CSMD3: variants seen among roughly 807,000 people sequenced by gnomAD.
CSMD3 encodes CUB and sushi domain-containing protein 3.
CSMD3 carries 177 observed loss-of-function variants against 435.2 expected under a neutral mutation model. The ratio of observed to expected loss-of-function variants is 0.41; its 90% CI spans 0.36 to 0.46. The LOEUF (loss-of-function observed/expected upper bound fraction) is 0.46, where lower values mean the gene tolerates loss of function less well. Among genes scored for constraint, CSMD3 ranks in the 20% least tolerant of loss-of-function variants. The pLI is 0.34. For synonymous variants in CSMD3, 1,656 were observed against 1,520.5 expected (o/e 1.09, Z -2.07); for missense variants, 4,265 against 4,504.6 (o/e 0.95, Z 1.52).
At chr8:112,289,952 G>T (rs1178324623) in intron 56 of CSMD3, among the ~76,000 whole-genome samples, 1 of 152,118 alleles carries the variant, frequency 6.6e-6, no homozygotes, top group East Asian at 1.9e-4. Context: ...AGGACACCAT[G>T]TGGATTTAAA....
At chr8:113,205,957 A>T (rs1301602941) in intron 3 of CSMD3, among the ~76,000 whole-genome samples, 2 of 152,012 alleles carry the variant, frequency 1.3e-5, no homozygotes, top group Admixed American at 1.3e-4. Flanking sequence ...AGCTGAAAAT[A>T]TTGCTCTCCC....
intron 45 of CSMD3, among the ~76,000 whole-genome samples, chr8:112,326,624 C>T (rs1315778992): frequency 1.3e-5 from 2 of 152,222 alleles, no homozygotes; most frequent in East Asian, 3.8e-4. Context: ...CATGTAACTT[C>T]AATCTGACGT....
chr8:113,019,543 T>C (rs998007123), intron 5 of CSMD3, among the ~76,000 whole-genome samples: 1 of 148,850 alleles, frequency 6.7e-6, no homozygotes, highest in Non-Finnish European at 1.5e-5. Flanking sequence ...TATTATTTAT[T>C]ATATCTTATT....
chr8:112,326,109 G>A (rs1487844583), intron 45 of CSMD3, among the ~76,000 whole-genome samples: 1 of 151,892 alleles, frequency 6.6e-6, no homozygotes, highest in Non-Finnish European at 1.5e-5. Flanking sequence ...TTTTGATTTG[G>A]CAATTATTTA....
At chr8:112,605,770 C>T (rs980502808) in intron 22 of CSMD3, among the ~76,000 whole-genome samples, 3 of 152,090 alleles carry the variant, frequency 2.0e-5, no homozygotes, top group African/African-American at 7.2e-5. Context: ...TGCACATGTA[C>T]CCCCTGAACC....
intron 32 of CSMD3, among the ~76,000 whole-genome samples, chr8:112,470,790 A>G (rs1364328432): frequency 6.6e-6 from 1 of 152,166 alleles, no homozygotes; most frequent in African/African-American, 2.4e-5. Context: ...ATTAGAATAC[A>G]GGTGCTTAAA....
intron 35 of CSMD3, among the ~76,000 whole-genome samples, chr8:112,394,358 C>G (rs560969892): frequency 6.6e-6 from 1 of 152,044 alleles, no homozygotes; most frequent in South Asian, 2.1e-4. Flanking sequence ...CATATTGGTT[C>G]TACTCCACAT....
At chr8:112,442,182 C>A (rs540592740) in intron 32 of CSMD3, among the ~76,000 whole-genome samples, 1 of 152,014 alleles carries the variant, frequency 6.6e-6, no homozygotes, top group Non-Finnish European at 1.5e-5. Context: ...ACAACCATGT[C>A]GAGTGTGAAC....
intron 28 of CSMD3, among the ~76,000 whole-genome samples, chr8:112,507,480 G>T (rs938247157): frequency 6.6e-6 from 1 of 152,130 alleles, no homozygotes; most frequent in Non-Finnish European, 1.5e-5. Context: ...GGAGGTCTTC[G>T]TGGTGGGATG....
At chr8:113,128,365 T>C (rs991997978) in intron 4 of CSMD3, among the ~76,000 whole-genome samples, 3 of 152,008 alleles carry the variant, frequency 2.0e-5, no homozygotes, top group African/African-American at 7.2e-5. Flanking sequence ...TAAAAATCCA[T>C]AAAATTTTTT....
chr8:113,164,246 A>T (rs961312491), intron 4 of CSMD3, among the ~76,000 whole-genome samples: 1 of 151,848 alleles, frequency 6.6e-6, no homozygotes, highest in Non-Finnish European at 1.5e-5. Context: ...TATGTTATTT[A>T]GCTACATATA....
At chr8:113,303,443 C>A (rs1222482483) in intron 2 of CSMD3, among the ~76,000 whole-genome samples, 1 of 151,822 alleles carries the variant, frequency 6.6e-6, no homozygotes, top group Non-Finnish European at 1.5e-5. Flanking sequence ...AAAAAGAGCC[C>A]GCATCACCAA....
At chr8:112,696,021 G>A (rs1393886515) in intron 13 of CSMD3, among the ~76,000 whole-genome samples, 1 of 152,078 alleles carries the variant, frequency 6.6e-6, no homozygotes, top group Non-Finnish European at 1.5e-5. Context: ...CAACCTACAA[G>A]GGATGTGAAG....
At chr8:112,261,821 T>C (rs1261045998) in intron 61 of CSMD3, among the ~76,000 whole-genome samples, 1 of 152,048 alleles carries the variant, frequency 6.6e-6, no homozygotes, top group Admixed American at 6.6e-5. Flanking sequence ...TAATACTTGA[T>C]ATTGTGTAAT....
At chr8:112,747,855 C>T (rs1034383079) in intron 13 of CSMD3, among the ~76,000 whole-genome samples, 1 of 149,342 alleles carries the variant, frequency 6.7e-6, no homozygotes, top group Non-Finnish European at 1.5e-5. Context: ...CCCAGCTACT[C>T]GGGAGGCTGA....
At chr8:112,869,649 T>C (rs2081075828) in intron 10 of CSMD3, among the ~76,000 whole-genome samples, 1 of 152,118 alleles carries the variant, frequency 6.6e-6, no homozygotes, top group African/African-American at 2.4e-5. Context: ...CCATCAATGA[T>C]AGACTGGATA....
chr8:112,246,650 C>G (rs1327936383), intron 64 of CSMD3, among the ~76,000 whole-genome samples: 1 of 152,124 alleles, frequency 6.6e-6, no homozygotes, highest in East Asian at 1.9e-4. Context: ...AATATTTTCA[C>G]AAGCGATTTT....
At chr8:112,339,787 G>T (rs1824926375) in intron 42 of CSMD3, among the ~76,000 whole-genome samples, 1 of 152,096 alleles carries the variant, frequency 6.6e-6, no homozygotes, top group South Asian at 2.1e-4. Context: ...TATTGACTCT[G>T]TGAATATATA....
intron 11 of CSMD3, among the ~76,000 whole-genome samples, chr8:112,841,838 C>T (rs2080185949): frequency 6.6e-6 from 1 of 151,750 alleles, no homozygotes; most frequent in South Asian, 2.1e-4. Flanking sequence ...CAAACCTTAC[C>T]CCTAATATCA....
Sources: gnomAD v4.1 joint callset for allele counts (sites outside exome capture counted in the v4.1 genomes callset) on GRCh38, gnomAD v4.1.1 for gene constraint, MANE v1.5 for transcripts, NCBI Gene and HGNC (gene_info 2026-07-23, HGNC 2026-07-21) for gene names.